Variants in CDSN observed in about 807,000 individuals in gnomAD.
CDSN encodes corneodesmosin, also known as S protein.
A neutral mutation model predicts 25.6 loss-of-function variants in CDSN; 11 were observed. That is an observed-to-expected ratio of 0.43 (90% CI 0.27 to 0.71). The LOEUF (loss-of-function observed/expected upper bound fraction) is 0.71. Ranked by LOEUF, CDSN falls within the 30% of genes least tolerant of loss-of-function variation. The pLI is 0.20. For synonymous variants in CDSN, 266 were observed against 267.4 expected (o/e 0.99, Z 0.05); for missense variants, 598 against 670.9 (o/e 0.89, Z 1.20).
At chr6:31,120,283 C>T (rs118016086) in intron 1 of CDSN, 52 bp downstream of exon 1, 24,370 of 1,399,014 alleles carry the variant, frequency 0.017, 1,112 homozygotes, top group South Asian at 0.12. Flanking sequence ...GGGTCCTCTC[C>T]CGGAGTCTCC....
At position 31,117,110 on chromosome 6, in the gene CDSN, G is replaced by T. The variant is rs1772185882; in HGVS notation, c.505C>A (p.Gln169Lys). Residue 169 changes from glutamine (Q) to lysine (K), a missense_variant, in exon 2 of 2, where the codon CAA becomes AAA. Coordinates refer to ENST00000376288, the MANE Select transcript of CDSN (RefSeq NM_001264.5). ...GGCAGAGCAGAGCCATTCCCTACTT[G>T]GAAGCTGCTGCTGCTGAACTGAAAG... ...SSFQFSSSSF[Q>K]VGNGSALPTN... is the part of the protein sequence containing the mutation. 1 of 1,614,028 alleles carries T rather than the reference G, an allele frequency of 6.2e-7. No homozygotes were observed. The highest frequency in any genetic ancestry group is 8.5e-7 in the Non-Finnish European group (1 of 1,180,042).
chr6:31,120,205 C>T (rs1772378138), intron 1 of CDSN, 130 bp downstream of exon 1: 1 of 717,852 alleles, frequency 1.4e-6, no homozygotes, highest in African/African-American at 1.8e-5. Context: ...CCTGAGGCGA[C>T]CATACAGTGA....
rs1772047207 is a variant in CDSN, at chr6:31,115,295, T to C, written c.*730A>G. On this transcript the variant is annotated 3_prime_UTR_variant, in exon 2 of 2. Coordinates refer to ENST00000376288, the MANE Select transcript of CDSN (RefSeq NM_001264.5). The surrounding 1 kb of genome is among the most constrained non-coding windows in gnomAD (Gnocchi z 4.2). ...CTAGTCCCCACAGTTTACTGAGCCA[T>C]CTGTCCAGGATCCAGGGACAGCAGG... 1 of 218,186 alleles carries C rather than the reference T, an allele frequency of 4.6e-6. No homozygotes were observed. Among genetic ancestry groups the C allele is most frequent in the Non-Finnish European group, 9.2e-6 (1 of 108,414 alleles). The allele number at this position is 218,186 out of a possible 1,614,324, so 13.5% of individuals were successfully genotyped here. A position where few individuals can be genotyped will look rare whatever the true frequency, so the allele number is the denominator to read the frequency against.
At position 31,116,368 on chromosome 6, in the gene CDSN, C is replaced by A. The variant is rs1562750894; in HGVS notation, c.1247G>T (p.Gly416Val). ...GGAGCAGGGGCTCTGGGAAGCACTG[C>A]CGCAGGGATGGTAGGGTAAACCGGA... is the stretch of plus-strand genomic sequence containing the variant. The part of the protein sequence containing the change: ...SSSGLPYHPC[G>V]SASQSPCSPP... The change falls in exon 2 of 2, where the codon GGC becomes GTC. Residue 416 changes from glycine (G) to valine (V), a missense_variant. Gly to Val is a moderately radical substitution (Grantham distance 109). Transcript: ENST00000376288. 1 of 1,610,308 alleles carries A rather than the reference C, an allele frequency of 6.2e-7. No individual in the cohort carries two copies. The highest frequency in any genetic ancestry group is 8.5e-7 in the Non-Finnish European group (1 of 1,178,102).
intron 1 of CDSN, 60 bp from the exon 2 acceptor site, chr6:31,117,589 T>C (rs1455490195): frequency 7.0e-7 from 1 of 1,422,938 alleles, no homozygotes; most frequent in East Asian, 2.5e-5. Flanking sequence ...CCCTCACCTT[T>C]CTGCCTTATC....
chr6:31,118,840 C>CTTT (rs199861968), intron 1 of CDSN: 1 of 124,922 alleles, frequency 8.0e-6, no homozygotes, highest in African/African-American at 3.0e-5. Flanking sequence ...TTTTCTTCTT[C>CTTT]TTCTTTTTTT....
intron 1 of CDSN, chr6:31,117,894 T>C (rs935983894): frequency 3.3e-6 from 1 of 301,898 alleles, no homozygotes; most frequent in Admixed American, 4.7e-5. Context: ...CGCCCCAGAG[T>C]TCAAGACCAG....
chr6:31,117,560 C>G (rs1330071478), intron 1 of CDSN, 31 bp from the exon 2 acceptor site: 2 of 1,542,874 alleles, frequency 1.3e-6, no homozygotes, highest in African/African-American at 1.4e-5. Flanking sequence ...TAGTAAGGGC[C>G]AAGGAGGCTT....
rs1471036139 is a variant in CDSN at position 31,117,458 on chromosome 6, C to T, written c.157G>A (p.Asp53Asn). 3 of 1,555,522 alleles carry T rather than the reference C, an allele frequency of 1.9e-6. No homozygotes were observed. The highest frequency in any genetic ancestry group is 2.4e-5 in the East Asian group (1 of 41,410). Residue 53 changes from aspartate (D) to asparagine (N), a missense_variant, in exon 2 of 2, where the codon GAC becomes AAC. By Grantham distance (23) the Asp-to-Asn change is conservative (BLOSUM62 1). Coordinates refer to ENST00000376288, the MANE Select transcript of CDSN (RefSeq NM_001264.5). ...KDPTRITSPN[D>N]PCLTGKGDSS... ...TCACCCTTCCCAGTGAGGCAGGGGT[C>T]GTTAGGGGAGGTGATACGCGTGGGG...
chr6:31,119,101 C>T (rs1056028150), intron 1 of CDSN, among the ~76,000 whole-genome samples: 3 of 151,948 alleles, frequency 2.0e-5, no homozygotes, highest in Non-Finnish European at 4.4e-5. Context: ...GCCTTGGCCT[C>T]CTGAAATGTT....
Position 31,120,397 on chromosome 6 carries a change from C to A in CDSN, c.23G>T (p.Trp8Leu). The change falls in exon 1 of 2, where the codon TGG becomes TTG. Residue 8 changes from tryptophan (W) to leucine (L), a missense_variant. Transcript: ENST00000376288. MGSSRAP[W>L]MGRVGGHGMM... ...CCCGTGCCCACCCACACGCCCCATC[C>A]AGGGTGCCCGAGACGAGCCCATCTC... The A allele has an allele frequency of 1.3e-6, 2 of 1,592,292 alleles. No individual in the cohort carries two copies. The highest frequency in any genetic ancestry group is 2.3e-5 in the East Asian group (1 of 43,684).
rs993254791 is a variant in CDSN, at chr6:31,117,192, C to T, written c.423G>A (p.Ser141=). ...SSQLGSSSSH[S]GNSGSHSGSS... ...TTCCCGAGTGAGAGCCGCTGTTTCC[C>T]GAGTGAGAGCTGCTGCTCCCCAGCT... Residue 141 remains serine (S), a synonymous_variant, in exon 2 of 2, where the codon TCG becomes TCA. Coordinates refer to ENST00000376288, the MANE Select transcript of CDSN (RefSeq NM_001264.5). The T allele has an allele frequency of 1.2e-6, 2 of 1,613,220 alleles. No homozygotes were observed. Among genetic ancestry groups the T allele is most frequent in the Non-Finnish European group, 8.5e-7 (1 of 1,179,270 alleles).
Position 31,117,041 on chromosome 6 carries a change from G to A in CDSN, c.574C>T (p.Pro192Ser), listed in dbSNP as rs767198371. The A allele has an allele frequency of 1.2e-6, 2 of 1,614,244 alleles. No individual in the cohort carries two copies. Among genetic ancestry groups the A allele is most frequent in the Middle Eastern group, 3.3e-4 (2 of 6,062 alleles). ...TGGGAAGAGGAAGAGCTTTGTCCAG[G>A]CTGGGAAGGGTTTAGTATTCCGCGG... is the stretch of plus-strand genomic sequence containing the variant. ...SYRGILNPSQ[P>S]GQSSSSSQTF... The change falls in exon 2 of 2, where the codon CCT (proline) becomes TCT (serine). Residue 192 changes from proline (P) to serine (S), a missense_variant. By Grantham distance (74) the Pro-to-Ser change is moderately conservative. Transcript: ENST00000376288.
chr6:31,117,770 G>C lies in CDSN; in HGVS notation c.86-241C>G, dbSNP rs3130555. On this transcript the variant is annotated intron_variant, in intron 1 of 1. Coordinates refer to ENST00000376288, the MANE Select transcript of CDSN (RefSeq NM_001264.5). ...CACCAACCAGAAAAATAGAAAATTA[G>C]GTGCCAAAGTGAGTGGCCTCAAAGG... 309,038 of 553,246 alleles carry C rather than the reference G, an allele frequency of 0.56. 88,523 individuals carry two copies. The highest frequency in any genetic ancestry group is 0.68 in the East Asian group (21,740 of 31,786). The allele number at this position is 553,246 out of a possible 1,614,324, so 34.3% of individuals were successfully genotyped here. A position where few individuals can be genotyped will look rare whatever the true frequency, so the allele number is the denominator to read the frequency against.
Position 31,115,967 on chromosome 6 carries a change from G to T in CDSN, c.*58C>A, listed in dbSNP as rs1429106411. On this transcript the variant is annotated 3_prime_UTR_variant, in exon 2 of 2. Transcript: ENST00000376288. The surrounding 1 kb of genome is among the most constrained non-coding windows in gnomAD (Gnocchi z 4.2). ...TGGGCACTGGACTTCTCCCATATGG[G>T]ATATAGTGTATGTGCTTGTTTGTGC... 11 of 1,464,062 alleles carry T rather than the reference G, an allele frequency of 7.5e-6. No individual in the cohort carries two copies. Among genetic ancestry groups the T allele is most frequent in the Non-Finnish European group, 9.5e-6 (10 of 1,047,648 alleles). The allele number at this position is 1,464,062 out of a possible 1,614,324, so 90.7% of individuals were successfully genotyped here.
In CDSN at chr6:31,117,442, CCA is replaced by C; in HGVS notation, c.171_172del (p.Gly58GlufsTer3). 1 of 1,558,708 alleles carries C rather than the reference CCA, an allele frequency of 6.4e-7. No homozygotes were observed. Among genetic ancestry groups the C allele is most frequent in the Non-Finnish European group, 8.7e-7 (1 of 1,151,416 alleles). On this transcript the variant is annotated frameshift_variant, in exon 2 of 2. Transcript: ENST00000376288. LOFTEE classifies it high-confidence loss of function. ...ACTGAAACCGCTGGAGTCACCCTTC[CCA>C]GTGAGGCAGGGGTCGTTAGGGGAGG...
Position 31,115,655 on chromosome 6 carries a change from C to T in CDSN, c.*370G>A. The stretch of plus-strand genomic sequence containing the variant: ...AACTTCTTCAGGCGTCAGAGGTGCT[C>T]TGAGAGCATTTCAGGGGTTTCCCAG... On this transcript the variant is annotated 3_prime_UTR_variant, in exon 2 of 2. Coordinates refer to ENST00000376288, the MANE Select transcript of CDSN (RefSeq NM_001264.5). This position sits in a 1 kb window ranked among gnomAD's most constrained non-coding sequence, Gnocchi z 4.2. 1 of 297,576 alleles carries T rather than the reference C, an allele frequency of 3.4e-6. No individual in the cohort carries two copies. The highest frequency in any genetic ancestry group is 9.9e-5 in the South Asian group (1 of 10,152). The allele number at this position is 297,576 out of a possible 1,614,324, so 18.4% of individuals were successfully genotyped here. A position where few individuals can be genotyped will look rare whatever the true frequency, so the allele number is the denominator to read the frequency against.
At position 31,117,078 on chromosome 6, in the gene CDSN, A is replaced by G. The variant is rs758459403; in HGVS notation, c.537T>C (p.Asn179=). 1.2e-6 allele frequency: 2 copies of G among 1,614,188 alleles called. No individual in the cohort carries two copies. The highest frequency in any genetic ancestry group is 3.3e-5 in the Admixed American group (2 of 60,012). The change falls in exon 2 of 2, where the codon AAT becomes AAC. Residue 179 remains asparagine (N), a synonymous_variant. Transcript: ENST00000376288. The part of the protein sequence containing the change: ...QVGNGSALPT[N]DNSYRGILNP... ...TTAGTATTCCGCGGTAAGAGTTGTC[A>G]TTGGTTGGCAGAGCAGAGCCATTCC... is the stretch of plus-strand genomic sequence containing the variant.
In CDSN at chr6:31,115,153, AAC is replaced by A. The variant is rs1772036866; in HGVS notation, c.*870_*871del. On this transcript the variant is annotated 3_prime_UTR_variant, in exon 2 of 2. Transcript: ENST00000376288. This position sits in a 1 kb window ranked among gnomAD's most constrained non-coding sequence, Gnocchi z 4.2. ...GGGAGCAGCTGGAAGGTAGAAGAGA[AAC>A]ACAGCCCGCTTTTGAAGGAAAATGA... 3.0e-6 allele frequency: 1 copy of A among 337,058 alleles called. No homozygotes were observed. The highest frequency in any genetic ancestry group is 4.2e-5 in the Admixed American group (1 of 24,054). The allele number at this position is 337,058 out of a possible 1,614,324, so 20.9% of individuals were successfully genotyped here.
Sources: allele counts gnomAD v4.1 joint callset (sites outside exome capture counted in the v4.1 genomes callset), GRCh38; gene constraint gnomAD v4.1.1; non-coding constraint Gnocchi (gnomAD v3.1); transcripts MANE v1.5; gene names NCBI Gene and HGNC (gene_info 2026-07-23, HGNC 2026-07-21).